The following FBXL20 variants were observed in gnomAD, a reference collection of about 807,000 sequenced individuals.
FBXL20 encodes F-box/LRR-repeat protein 20.
FBXL20 carries 11 observed loss-of-function variants against 64.0 expected under a neutral mutation model. That is an observed-to-expected ratio of 0.17 (90% CI 0.11 to 0.28). The LOEUF is 0.28. FBXL20 is among the 10% of genes least tolerant of loss of function. The pLI is 1.00. For synonymous variants in FBXL20, 184 were observed against 189.0 expected, an observed-to-expected ratio of 0.97 and a Z score of 0.22; for missense variants, 303 against 526.2, an observed-to-expected ratio of 0.58 and a Z score of 4.15.
intron 1 of FBXL20, among the ~76,000 whole-genome samples, chr17:39,386,255 G>C (rs8073511): frequency 0.32 from 47,844 of 150,654 alleles, 10,835 homozygotes; most frequent in African/African-American, 0.64. Context: ...TGCAGTGAGC[G>C]GAGATCGCGC....
At chr17:39,380,637 T>G (rs564232988) in intron 1 of FBXL20, among the ~76,000 whole-genome samples, 33 of 152,288 alleles carry the variant, frequency 2.2e-4, no homozygotes, top group African/African-American at 7.7e-4. Context: ...TGCCCATCAC[T>G]ATCATTAACA....
Position 39,282,767 on chromosome 17 carries a change from C to T in FBXL20, c.583G>A (p.Gly195Arg). The T allele has an allele frequency of 6.2e-7, 1 of 1,614,152 alleles. No individual in the cohort carries two copies. Among genetic ancestry groups the T allele is most frequent in the South Asian group, 1.1e-5 (1 of 91,084 alleles). The change falls in exon 8 of 15, where the codon GGG (glycine) becomes AGG (arginine). Residue 195 changes from glycine to arginine, a missense_variant. By Grantham distance (125) the Gly-to-Arg change is moderately radical. This residue lies in a region of FBXL20 where 246 missense variants were observed against 422.6 expected (regional missense o/e 0.58). Coordinates refer to ENST00000264658, the MANE Select transcript of FBXL20 (RefSeq NM_032875.3). Reference protein sequence around the residue: ...DGIQALVRGCGGLKALFLKGC... With the variant: ...DGIQALVRGCRGLKALFLKGC... Reference sequence around the variant, plus strand: ...TTTAAGAATAAGGCCTTGAGACCCCCACAGCCCCTCACTAGTGCTTGAATG... The same window carrying T: ...TTTAAGAATAAGGCCTTGAGACCCCTACAGCCCCTCACTAGTGCTTGAATG...
chr17:39,313,077 C>T (rs868179478), intron 2 of FBXL20, among the ~76,000 whole-genome samples: 1 of 150,542 alleles, frequency 6.6e-6, no homozygotes. Context: ...CACCATCATG[C>T]CTGGCTAATT....
intron 1 of FBXL20, among the ~76,000 whole-genome samples, chr17:39,360,688 T>C (rs1354611872): frequency 6.6e-6 from 1 of 152,222 alleles, no homozygotes; most frequent in Non-Finnish European, 1.5e-5. Flanking sequence ...CTTTGTCCTC[T>C]GCTCTATGTC....
Position 39,351,086 on chromosome 17 carries a change from G to C in FBXL20, c.43-7845C>G, listed in dbSNP as rs138798589. 7.9e-3 allele frequency among the ~76,000 whole-genome samples: 1,208 copies of C among 152,220 alleles called. 6 individuals are homozygous for C. The highest frequency in any genetic ancestry group is 0.013 in the Non-Finnish European group (874 of 68,016). ...ATAGTGGCTCACGCCTGTAATCCCAGCACTTTGGGAGGCTGAGGTGGGCGG... is the reference window on the plus strand; with the variant it reads ...ATAGTGGCTCACGCCTGTAATCCCACCACTTTGGGAGGCTGAGGTGGGCGG... On this transcript the variant is annotated intron_variant, in intron 1 of 14. Transcript: ENST00000264658.
At position 39,338,084 on chromosome 17, in the gene FBXL20, G is replaced by T. The variant is rs531288937; in HGVS notation, c.104+5096C>A. Among the ~76,000 whole-genome samples, 121 of 152,236 alleles carry T rather than the reference G, an allele frequency of 7.9e-4. 1 individual carries two copies. Among genetic ancestry groups the T allele is most frequent in the African/African-American group, 2.7e-3 (114 of 41,578 alleles). On this transcript the variant is annotated intron_variant, in intron 2 of 14. Coordinates refer to ENST00000264658, the MANE Select transcript of FBXL20 (RefSeq NM_032875.3). Reference sequence around the variant, plus strand: ...GGGCCATGATGACAATGGCGCTTTTGTGGAATAGAAAGGGGGGAAAGGTGG... The same window carrying T: ...GGGCCATGATGACAATGGCGCTTTTTTGGAATAGAAAGGGGGGAAAGGTGG...
chr17:39,273,139 T>C (rs1246490681), intron 10 of FBXL20, among the ~76,000 whole-genome samples: 2 of 152,102 alleles, frequency 1.3e-5, no homozygotes, highest in Non-Finnish European at 1.5e-5. Flanking sequence ...TGTCTCAGCC[T>C]CTCGAGTAGC....
intron 1 of FBXL20, among the ~76,000 whole-genome samples, chr17:39,381,025 T>C (rs2048017595): frequency 6.6e-6 from 1 of 151,934 alleles, no homozygotes; most frequent in South Asian, 2.1e-4. Flanking sequence ...CAGGGCGTGG[T>C]GGCAGGCACC....
At chr17:39,322,494 T>A (rs892215551) in intron 2 of FBXL20, among the ~76,000 whole-genome samples, 7 of 152,132 alleles carry the variant, frequency 4.6e-5, no homozygotes, top group African/African-American at 7.2e-5. Flanking sequence ...AATTAAAAAA[T>A]TTTTTAATTT....
chr17:39,284,938 CTTTTT>C (rs2046976066), intron 7 of FBXL20, among the ~76,000 whole-genome samples: 1 of 32,052 alleles, frequency 3.1e-5, no homozygotes, highest in Admixed American at 4.4e-4. Flanking sequence ...CCCTTTCTTT[CTTTTT>C]TTTTGTTTTT....
At chr17:39,335,055 G>C (rs1597804386) in intron 2 of FBXL20, among the ~76,000 whole-genome samples, 1 of 142,666 alleles carries the variant, frequency 7.0e-6, no homozygotes, top group Admixed American at 6.8e-5. Flanking sequence ...TCTGTGGCTA[G>C]TGAGCCTTAT....
Position 39,268,753 on chromosome 17 carries a change from T to A in FBXL20, c.933+74A>T, listed in dbSNP as rs377469802. 4.7e-4 allele frequency: 609 copies of A among 1,291,202 alleles called. 4 individuals are homozygous for A. The African/African-American group carries it at 7.8e-3, about 17-fold the overall frequency. The allele number at this position is 1,291,202 out of a possible 1,614,324, so 80.0% of individuals were successfully genotyped here. A position where few individuals can be genotyped will look rare whatever the true frequency, so the allele number is the denominator to read the frequency against. ...CAGTATCCTACACTAGGGTAGGGAA[T>A]TGCACATTCTGATGTTGTGTATTAT... On this transcript the variant is annotated intron_variant, in intron 12 of 14. Coordinates refer to ENST00000264658, the MANE Select transcript of FBXL20 (RefSeq NM_032875.3).
At chr17:39,322,487 TAAA>T (rs936414860) in intron 2 of FBXL20, among the ~76,000 whole-genome samples, 3 of 152,094 alleles carry the variant, frequency 2.0e-5, no homozygotes, top group Non-Finnish European at 4.4e-5. Flanking sequence ...AATTTTTAAT[TAAA>T]AAATTTTTTA....
intron 1 of FBXL20, among the ~76,000 whole-genome samples, chr17:39,372,230 C>CA (rs972367372): frequency 4.0e-5 from 6 of 150,888 alleles, no homozygotes; most frequent in African/African-American, 7.3e-5. Flanking sequence ...GTCTTAAAAC[C>CA]AAAAAAAAGG....
chr17:39,346,222 C>G (rs569256126), intron 1 of FBXL20, among the ~76,000 whole-genome samples: 1 of 151,532 alleles, frequency 6.6e-6, no homozygotes, highest in African/African-American at 2.4e-5. Flanking sequence ...GTAGTCCCAG[C>G]TATTTGGTGG....
chr17:39,401,992 G>T, upstream of FBXL20: 2 of 511,104 alleles, frequency 3.9e-6, no homozygotes, highest in Admixed American at 4.4e-5. Context: ...CACTCTGCGC[G>T]GGGGCCCCTC....
rs1159491825 is a variant in FBXL20, at chr17:39,268,808, T to C, written c.933+19A>G. ...GTGTCTACTATACTGTATTTCTGAA[T>C]TAAAATCTACAATCTTACCTGAACA... On this transcript the variant is annotated intron_variant, in intron 12 of 14. Transcript: ENST00000264658. The C allele has an allele frequency of 6.2e-7, 1 of 1,607,418 alleles. No individual in the cohort carries two copies. Among genetic ancestry groups the C allele is most frequent in the East Asian group, 2.2e-5 (1 of 44,838 alleles).
At chr17:39,270,755 C>T (rs1041333177) in intron 11 of FBXL20, 41 bp downstream of exon 11, 1 of 1,525,126 alleles carries the variant, frequency 6.6e-7, no homozygotes, top group Non-Finnish European at 8.9e-7. Flanking sequence ...CCTAATAAAA[C>T]CTATGGAAAC....
intron 2 of FBXL20, among the ~76,000 whole-genome samples, chr17:39,308,568 ATT>A (rs71141795): frequency 6.9e-6 from 1 of 144,854 alleles, no homozygotes; most frequent in Non-Finnish European, 1.5e-5. Flanking sequence ...TAATACAATA[ATT>A]TTTTTTTTTT....
Sources: allele counts gnomAD v4.1 joint callset (sites outside exome capture counted in the v4.1 genomes callset), GRCh38; gene constraint gnomAD v4.1.1; regional missense constraint gnomAD v4.1.1; transcripts MANE v1.5; gene names NCBI Gene and HGNC (gene_info 2026-07-23, HGNC 2026-07-21).